NBEAL1: variants seen among roughly 807,000 people sequenced by gnomAD.
NBEAL1 encodes neurobeachin like 1.
NBEAL1 carries 273 observed loss-of-function variants against 351.3 expected under a neutral mutation model. The ratio of observed to expected loss-of-function variants is 0.78; its 90% CI spans 0.70 to 0.86. The LOEUF is 0.86. Ranked by LOEUF, NBEAL1 falls within the 40% of genes least tolerant of loss-of-function variation. NBEAL1 has a pLI of 0.00. For synonymous variants in NBEAL1, 1,050 were observed against 1,086.4 expected (o/e 0.97, Z 0.66); for missense variants, 2,961 against 3,201.3 (o/e 0.92, Z 1.81).
chr2:203,090,213 T>A (rs1020581709), intron 10 of NBEAL1, among the ~76,000 whole-genome samples: 5 of 152,320 alleles, frequency 3.3e-5, no homozygotes, highest in Admixed American at 6.5e-5. Flanking sequence ...AACTTTTTTT[T>A]TATAGATTTA....
At chr2:203,104,230 G>C (rs191632810) in intron 12 of NBEAL1, among the ~76,000 whole-genome samples, 2 of 152,260 alleles carry the variant, frequency 1.3e-5, no homozygotes, top group Admixed American at 1.3e-4. Context: ...AGGTGCTTCT[G>C]TGTTGAGTGT....
chr2:203,178,413 C>T (rs921088784), intron 42 of NBEAL1, among the ~76,000 whole-genome samples: 1 of 152,072 alleles, frequency 6.6e-6, no homozygotes, highest in Non-Finnish European at 1.5e-5. Flanking sequence ...GTGATCTGCC[C>T]ACCATGGCCT....
At chr2:203,082,226 GC>G (rs1457529212) in intron 8 of NBEAL1, among the ~76,000 whole-genome samples, 1 of 152,114 alleles carries the variant, frequency 6.6e-6, no homozygotes, top group African/African-American at 2.4e-5. Context: ...TGCTTCCTTG[GC>G]CTCCTTAGCA....
chr2:203,139,423 T>G (rs1239750985), intron 31 of NBEAL1, among the ~76,000 whole-genome samples: 1 of 152,032 alleles, frequency 6.6e-6, no homozygotes, highest in Non-Finnish European at 1.5e-5. Context: ...TTTTATTTTA[T>G]TTTGATGTTT....
chr2:203,198,732 G>T (rs2065306872), intron 48 of NBEAL1, among the ~76,000 whole-genome samples: 1 of 151,784 alleles, frequency 6.6e-6, no homozygotes, highest in Non-Finnish European at 1.5e-5. Flanking sequence ...GCATGGTGGT[G>T]CATGCTTGTG....
chr2:203,190,159 TACACACAC>T lies in NBEAL1; in HGVS notation c.6824-90_6824-83del, dbSNP rs71034227. The T allele has an allele frequency of 9.0e-4, 406 of 450,516 alleles. 2 individuals carry two copies. The highest frequency in any genetic ancestry group is 7.1e-3 in the African/African-American group (296 of 41,550). 27.9% of individuals were successfully genotyped at this position (450,516 alleles called of 1,614,324 possible). On this transcript the variant is annotated intron_variant, in intron 45 of 55. Transcript: ENST00000683969. ...TCAAAAAAAAAAAAAAAGATGTGTG[TACACACAC>T]ACACACACACACACACACACACACA...
chr2:203,208,406 A>G (rs1303297574), intron 51 of NBEAL1, among the ~76,000 whole-genome samples: 1 of 152,248 alleles, frequency 6.6e-6, no homozygotes, highest in Non-Finnish European at 1.5e-5. Context: ...AAGACTGTCA[A>G]CATTGCAAAA....
At chr2:203,138,363 T>C in intron 30 of NBEAL1, 48 bp downstream of exon 30, 1 of 1,555,264 alleles carries the variant, frequency 6.4e-7, no homozygotes, top group Non-Finnish European at 8.7e-7. Context: ...TTAAGAACTT[T>C]ATTCAAAGAA....
At chr2:203,119,281 C>T (rs1016999148) in intron 18 of NBEAL1, among the ~76,000 whole-genome samples, 7 of 151,598 alleles carry the variant, frequency 4.6e-5, no homozygotes, top group Admixed American at 4.6e-4. Flanking sequence ...AATACTCCCA[C>T]CCCATTTTTT....
chr2:203,059,957 G>A (rs568825041), intron 6 of NBEAL1, among the ~76,000 whole-genome samples: 14 of 152,180 alleles, frequency 9.2e-5, no homozygotes, highest in African/African-American at 3.4e-4. Flanking sequence ...TGACATGTAT[G>A]CCAGAGATTT....
At chr2:203,101,410 T>C (rs961860183) in intron 12 of NBEAL1, among the ~76,000 whole-genome samples, 1 of 152,188 alleles carries the variant, frequency 6.6e-6, no homozygotes, top group Non-Finnish European at 1.5e-5. Flanking sequence ...AATCTCGTAG[T>C]GTAGTTTGAA....
At chr2:203,051,341 G>A (rs1389142324) in intron 4 of NBEAL1, among the ~76,000 whole-genome samples, 1 of 152,022 alleles carries the variant, frequency 6.6e-6, no homozygotes, top group African/African-American at 2.4e-5. Flanking sequence ...TCAGGAGTTT[G>A]AGACCAGCTT....
chr2:203,030,831 A>C (rs1257499044), intron 2 of NBEAL1, among the ~76,000 whole-genome samples: 1 of 152,184 alleles, frequency 6.6e-6, no homozygotes, highest in African/African-American at 2.4e-5. Context: ...TGCGCAACAT[A>C]GTGAGGCCCT....
chr2:203,040,564 T>C (rs1450766712), intron 2 of NBEAL1: 8 of 668,402 alleles, frequency 1.2e-5, no homozygotes, highest in Admixed American at 3.6e-5. Context: ...GGAACTCACT[T>C]GGAAACATGA....
chr2:203,119,672 C>T (rs777226641), intron 18 of NBEAL1, among the ~76,000 whole-genome samples: 10 of 151,896 alleles, frequency 6.6e-5, no homozygotes, highest in African/African-American at 1.9e-4. Context: ...GTGATCTGCC[C>T]GCCTTGGCCT....
chr2:203,068,496 C>A (rs1244148791), intron 7 of NBEAL1, 21 bp downstream of exon 7: 38 of 1,347,444 alleles, frequency 2.8e-5, no homozygotes, highest in Non-Finnish European at 3.7e-5. Context: ...CCTCTAATTT[C>A]TCTTGCTATG....
chr2:203,020,007 A>T (rs1466207506), intron 2 of NBEAL1, among the ~76,000 whole-genome samples: 1 of 149,956 alleles, frequency 6.7e-6, no homozygotes. Flanking sequence ...ATTTTATCTG[A>T]TAATTTTAAT....
intron 6 of NBEAL1, among the ~76,000 whole-genome samples, chr2:203,060,043 A>G (rs900081850): frequency 6.6e-6 from 1 of 152,218 alleles, no homozygotes; most frequent in African/African-American, 2.4e-5. Context: ...ACTTGTCAGC[A>G]ATGGCAAATC....
At chr2:203,210,716 G>A (rs929458982) in intron 53 of NBEAL1, among the ~76,000 whole-genome samples, 2 of 152,098 alleles carry the variant, frequency 1.3e-5, no homozygotes, top group African/African-American at 4.8e-5. Flanking sequence ...TTTTGGGGAG[G>A]GCTGAATGAG....
Sources: gnomAD v4.1 joint callset for allele counts (sites outside exome capture counted in the v4.1 genomes callset) on GRCh38, gnomAD v4.1.1 for gene constraint, MANE v1.5 for transcripts, NCBI Gene and HGNC (gene_info 2026-07-23, HGNC 2026-07-21) for gene names.